Variants in SNX25 observed in about 807,000 individuals in gnomAD.
SNX25 encodes sorting nexin-25.
Under a neutral mutation model 113.7 loss-of-function variants are expected in SNX25, and 62 were observed. That is an observed-to-expected ratio of 0.55 (90% CI 0.44 to 0.67). The LOEUF (loss-of-function observed/expected upper bound fraction) is 0.67, where lower values mean the gene tolerates loss of function less well. Among genes scored for constraint, SNX25 ranks in the 30% least tolerant of loss-of-function variants. The pLI is 0.00. For missense variants in SNX25, 1,014 were observed against 1,161.0 expected (o/e 0.87, Z 1.84); for synonymous variants, 421 against 436.2 (o/e 0.97, Z 0.43).
rs1346880503 is a variant in SNX25 at position 185,266,975 on chromosome 4, A to G, written c.911A>G (p.Lys304Arg). 1.2e-6 allele frequency: 2 copies of G among 1,610,756 alleles called. No homozygotes were observed. Among genetic ancestry groups the G allele is most frequent in the East Asian group, 2.2e-5 (1 of 44,848 alleles). The change falls in exon 5 of 19, where the codon AAG (lysine) becomes AGG (arginine). Residue 304 changes from lysine to arginine, a missense_variant. By Grantham distance (26) the Lys-to-Arg change is conservative. Transcript: ENST00000652585. ...TTTCTTCTTCTTCCTGTAGTCTTGA[A>G]GCCGGTAGTGGAGTTACTGAGTAAT... ...LAEILTTKVLKPVVELLSNPD... is the reference protein window; with the variant it reads ...LAEILTTKVLRPVVELLSNPD...
At chr4:185,342,358 A>T (rs921586118) in intron 12 of SNX25, among the ~76,000 whole-genome samples, 12 of 152,306 alleles carry the variant, frequency 7.9e-5, no homozygotes, top group South Asian at 2.1e-4. Context: ...GCTGGAAGAG[A>T]CCTAAGGATC....
At chr4:185,313,276 T>C (rs1197273690) in intron 7 of SNX25, among the ~76,000 whole-genome samples, 1 of 152,160 alleles carries the variant, frequency 6.6e-6, no homozygotes, top group Non-Finnish European at 1.5e-5. Context: ...CTACTGTGAA[T>C]ATCAGACAAA....
At chr4:185,372,073 A>G (rs1015451161), downstream of SNX25, among the ~76,000 whole-genome samples, 1 of 152,186 alleles carries the variant, frequency 6.6e-6, no homozygotes, top group Non-Finnish European at 1.5e-5. Flanking sequence ...TTTATATTTT[A>G]TTAGATATAG....
intron 12 of SNX25, among the ~76,000 whole-genome samples, chr4:185,344,264 A>G (rs1317192069): frequency 2.0e-5 from 3 of 152,052 alleles, no homozygotes; most frequent in Admixed American, 2.0e-4. Context: ...TGTGGAGGGA[A>G]CCCAGGGGAT....
downstream of SNX25, chr4:185,364,716 A>G (rs1157841170): frequency 6.6e-6 from 1 of 152,156 alleles, no homozygotes; most frequent in Non-Finnish European, 1.5e-5. Flanking sequence ...AAAATACCCA[A>G]AGTTGGCTAT....
At chr4:185,361,673 G>A (rs1326264925) in intron 16 of SNX25, among the ~76,000 whole-genome samples, 1 of 151,358 alleles carries the variant, frequency 6.6e-6, no homozygotes, top group East Asian at 1.9e-4. Context: ...GGGAGGCAGA[G>A]GTTCCAGTGA....
Position 185,362,071 on chromosome 4 carries a change from G to C in SNX25, c.2799G>C (p.Gln933His). 1 of 1,613,940 alleles carries C rather than the reference G, an allele frequency of 6.2e-7. No individual in the cohort carries two copies. The highest frequency in any genetic ancestry group is 8.5e-7 in the Non-Finnish European group (1 of 1,179,868). Residue 933 changes from glutamine (Q) to histidine (H), a missense_variant, in exon 17 of 19, where the codon CAG (glutamine) becomes CAC (histidine). Coordinates refer to ENST00000652585, the MANE Select transcript of SNX25 (RefSeq NM_001378034.2). ...AAGAGCAAAGTCAGGAAACAAAACAGAGAGCACAGCAAAAGCTGCTTGAAA... is the reference window on the plus strand; with the variant it reads ...AAGAGCAAAGTCAGGAAACAAAACACAGAGCACAGCAAAAGCTGCTTGAAA... The part of the protein sequence containing the change: ...RSKEQSQETK[Q>H]RAQQKLLENI...
rs766440065 is a variant in SNX25, at chr4:185,210,604, T to C, written c.429+349T>C. ...GGAAGAAGGGAATCACAGCGTTCGC[T>C]ACGTGCAGGCTCTGCGCACGGTCCT... On this transcript the variant is annotated intron_variant, in intron 1 of 18. Coordinates refer to ENST00000652585, the MANE Select transcript of SNX25 (RefSeq NM_001378034.2). This position sits in a 1 kb window ranked among gnomAD's most constrained non-coding sequence, Gnocchi z 4.4. 1.3e-4 allele frequency among the ~76,000 whole-genome samples: 19 copies of C among 151,874 alleles called. No homozygotes were observed. The highest frequency in any genetic ancestry group is 2.1e-4 in the Non-Finnish European group (14 of 67,994).
intron 12 of SNX25, among the ~76,000 whole-genome samples, chr4:185,344,823 T>C (rs1311280758): frequency 6.6e-6 from 1 of 152,218 alleles, no homozygotes; most frequent in Non-Finnish European, 1.5e-5. Flanking sequence ...TTTCTTCAAC[T>C]GCTTTTTAAG....
At chr4:185,293,602 G>A (rs2126625672) in intron 6 of SNX25, among the ~76,000 whole-genome samples, 1 of 152,294 alleles carries the variant, frequency 6.6e-6, no homozygotes, top group South Asian at 2.1e-4. Flanking sequence ...ATGTTTTGAT[G>A]TAGTATTTAC....
intron 14 of SNX25, chr4:185,353,098 A>C (rs1561048394): frequency 6.2e-6 from 1 of 161,692 alleles, no homozygotes; most frequent in Non-Finnish European, 1.4e-5. Flanking sequence ...ATTACTTTAA[A>C]ATGCATGTTT....
intron 11 of SNX25, among the ~76,000 whole-genome samples, chr4:185,341,632 T>G (rs2095260371): frequency 6.6e-6 from 1 of 152,172 alleles, no homozygotes; most frequent in African/African-American, 2.4e-5. Context: ...CTTATTCAGA[T>G]TGTTGGCAGA....
At chr4:185,233,703 T>C (rs947055174) in intron 1 of SNX25, among the ~76,000 whole-genome samples, 2 of 152,228 alleles carry the variant, frequency 1.3e-5, no homozygotes, top group Non-Finnish European at 2.9e-5. Context: ...TTCAAGTGTT[T>C]GTCTGATTTG....
intron 13 of SNX25, among the ~76,000 whole-genome samples, chr4:185,346,974 C>G (rs1185340096): frequency 6.6e-6 from 1 of 152,162 alleles, no homozygotes; most frequent in Non-Finnish European, 1.5e-5. Flanking sequence ...CTTCCAGCAC[C>G]ATAGATCAGT....
intron 6 of SNX25, among the ~76,000 whole-genome samples, chr4:185,299,859 A>G (rs776568968): frequency 6.6e-6 from 1 of 152,200 alleles, no homozygotes. Context: ...AGTCATGTTC[A>G]TTCAGCTTAC....
intron 5 of SNX25, among the ~76,000 whole-genome samples, chr4:185,283,526 G>A (rs1483945662): frequency 6.6e-6 from 1 of 152,204 alleles, no homozygotes; most frequent in African/African-American, 2.4e-5. Flanking sequence ...GGATATAGAA[G>A]GCAGTAAAGC....
downstream of SNX25, chr4:185,373,122 G>A: frequency 6.5e-7 from 1 of 1,529,454 alleles, no homozygotes; most frequent in South Asian, 1.1e-5. Flanking sequence ...TGATCCACTA[G>A]ATGAAATTAT....
chr4:185,219,947 C>A (rs1319204001), intron 1 of SNX25, among the ~76,000 whole-genome samples: 2 of 144,116 alleles, frequency 1.4e-5, no homozygotes, highest in East Asian at 2.0e-4. Flanking sequence ...TTTCACTGAA[C>A]CTTTCTTTTT....
chr4:185,228,099 G>T (rs768517340), intron 1 of SNX25, among the ~76,000 whole-genome samples: 1 of 152,206 alleles, frequency 6.6e-6, no homozygotes, highest in African/African-American at 2.4e-5. Context: ...GTCCATGCCA[G>T]TGTGGTTTGG....
Sources: allele counts gnomAD v4.1 joint callset (sites outside exome capture counted in the v4.1 genomes callset), GRCh38; gene constraint gnomAD v4.1.1; non-coding constraint Gnocchi (gnomAD v3.1); transcripts MANE v1.5; gene names NCBI Gene and HGNC (gene_info 2026-07-23, HGNC 2026-07-21).